ZNF718: variants seen among roughly 807,000 people sequenced by gnomAD.
ZNF718 encodes zinc finger protein 718.
Under a neutral mutation model 2.6 loss-of-function variants are expected in ZNF718, and 3 were observed. That is an observed-to-expected ratio of 1.16 (90% CI 0.53 to 3.01). The LOEUF is 3.01. Ranked by LOEUF, ZNF718 falls within the 30% of genes most tolerant of loss-of-function variation. The pLI is 0.03. For missense variants in ZNF718, 468 were observed against 230.0 expected (o/e 2.03, Z -6.69); for synonymous variants, 135 against 77.9 (o/e 1.73, Z -3.86).
chr4:182,220 A>G (rs1717480963), intron 3 of ZNF718, among the ~76,000 whole-genome samples: 1 of 151,288 alleles, frequency 6.6e-6, no homozygotes, highest in Non-Finnish European at 1.5e-5. Context: ...TTCTTCCTCT[A>G]GGTCTCTGAG....
chr4:138,274 C>A (rs961779199), intron 3 of ZNF718, among the ~76,000 whole-genome samples: 3 of 152,214 alleles, frequency 2.0e-5, no homozygotes, highest in Non-Finnish European at 4.4e-5. Context: ...TTCCCCACTT[C>A]CCCCAGTCCC....
chr4:171,936 C>T (rs1332995285), intron 3 of ZNF718, among the ~76,000 whole-genome samples: 4 of 152,342 alleles, frequency 2.6e-5, no homozygotes, highest in East Asian at 3.9e-4. Context: ...CTGCGTCGCT[C>T]ACGCTGGGAG....
chr4:159,030 T>C (rs1429895931), intron 3 of ZNF718, among the ~76,000 whole-genome samples: 2 of 150,872 alleles, frequency 1.3e-5, no homozygotes, highest in Non-Finnish European at 2.9e-5. Context: ...CTATTCTTTT[T>C]TTCTTTTTTC....
intron 3 of ZNF718, among the ~76,000 whole-genome samples, chr4:154,153 C>G (rs545660600): frequency 3.3e-5 from 5 of 152,184 alleles, no homozygotes; most frequent in South Asian, 2.1e-4. Flanking sequence ...TATGACATGA[C>G]TTTTGGCTTC....
chr4:185,619 T>C (rs782370864), intron 3 of ZNF718, among the ~76,000 whole-genome samples: 30 of 152,174 alleles, frequency 2.0e-4, no homozygotes, highest in Non-Finnish European at 3.4e-4. Context: ...ACTACTATTA[T>C]GTGGGAGTCT....
In ZNF718 at chr4:163,840, A is replaced by T. The variant is rs1717015329; in HGVS notation, c.*1718A>T. ...GTTGAAGAATATTGTTCTCATGTTA[A>T]ATTTTTATTATTTTTTATATTTAAA... On this transcript the variant is annotated 3_prime_UTR_variant, in exon 4 of 4. Transcript: ENST00000510175. 6.6e-6 allele frequency: 1 copy of T among 151,920 alleles called. No individual in the cohort carries two copies. The highest frequency in any genetic ancestry group is 1.5e-5 in the Non-Finnish European group (1 of 67,952). The allele number at this position is 151,920 out of a possible 1,614,324, so 9.4% of individuals were successfully genotyped here. A position where few individuals can be genotyped will look rare whatever the true frequency, so the allele number is the denominator to read the frequency against.
intron 3 of ZNF718, among the ~76,000 whole-genome samples, chr4:137,457 C>A (rs552885913): frequency 2.6e-5 from 4 of 152,096 alleles, no homozygotes; most frequent in Non-Finnish European, 5.9e-5. Context: ...GGCTGCATCA[C>A]TTTCTTCCCA....
chr4:191,053 A>T (rs10003260), intron 3 of ZNF718, among the ~76,000 whole-genome samples: 21,822 of 149,178 alleles, frequency 0.15, 1,828 homozygotes, highest in Admixed American at 0.24. Flanking sequence ...ATATATATAT[A>T]TTTTTTTCTA....
chr4:156,592 T>TA (rs1340363589), intron 3 of ZNF718, among the ~76,000 whole-genome samples: 1 of 152,202 alleles, frequency 6.6e-6, no homozygotes, highest in Non-Finnish European at 1.5e-5. Flanking sequence ...CTTGCAAAGC[T>TA]AAAATCACTC....
chr4:192,688 C>T (rs1023123302), intron 3 of ZNF718, among the ~76,000 whole-genome samples: 18 of 152,284 alleles, frequency 1.2e-4, no homozygotes, highest in African/African-American at 4.3e-4. Context: ...TCATCAACAT[C>T]AGAGCAGGGG....
intron 3 of ZNF718, among the ~76,000 whole-genome samples, chr4:173,189 C>T (rs1253977326): frequency 1.3e-5 from 2 of 151,768 alleles, no homozygotes; most frequent in Non-Finnish European, 2.9e-5. Context: ...CCCTTCCCCA[C>T]CCCTCCAGCA....
chr4:125,869 A>G (rs1553807907), intron 1 of ZNF718, among the ~76,000 whole-genome samples: 2,735 of 152,332 alleles, frequency 0.018, 86 homozygotes, highest in African/African-American at 0.062. Flanking sequence ...TTTTCTGCCA[A>G]AAGCACACGC....
intron 3 of ZNF718, among the ~76,000 whole-genome samples, chr4:198,246 G>T (rs1279278046): frequency 6.6e-6 from 1 of 152,140 alleles, no homozygotes; most frequent in Non-Finnish European, 1.5e-5. Flanking sequence ...TGCCATGGCT[G>T]CCTGGCCAGG....
rs147708952 is a variant in ZNF718 at position 195,727 on chromosome 4, T to A, written c.227-5354T>A. 2.0e-5 allele frequency among the ~76,000 whole-genome samples: 3 copies of A among 152,280 alleles called. No homozygotes were observed. In the East Asian group the frequency reaches 5.8e-4, roughly 30 times the overall value. On this transcript the variant is annotated intron_variant and NMD_transcript_variant, in intron 3 of 4. Transcript: ENST00000642529. Reference sequence around the variant, plus strand: ...GAATGCATTTGGCCCATCCACGGGTTACTGGGTTAAGAATTTTTTATAGGA... The same window carrying A: ...GAATGCATTTGGCCCATCCACGGGTAACTGGGTTAAGAATTTTTTATAGGA...
intron 3 of ZNF718, among the ~76,000 whole-genome samples, chr4:146,083 A>G (rs1340209861): frequency 6.9e-6 from 1 of 145,322 alleles, no homozygotes; most frequent in Non-Finnish European, 1.5e-5. Flanking sequence ...CCTTCTATAT[A>G]TATATATATA....
chr4:168,496 T>G (rs1553817357), downstream of ZNF718, among the ~76,000 whole-genome samples: 1 of 152,142 alleles, frequency 6.6e-6, no homozygotes, highest in African/African-American at 2.4e-5. Flanking sequence ...TTTTTTTTGG[T>G]TGGTAAGCTA....
intron 3 of ZNF718, among the ~76,000 whole-genome samples, chr4:170,448 A>G (rs1553817729): frequency 6.6e-6 from 1 of 152,196 alleles, no homozygotes; most frequent in Non-Finnish European, 1.5e-5. Context: ...AGTGTTTTCC[A>G]ACTTGGTTCC....
At chr4:126,549 C>T (rs897619134) in intron 1 of ZNF718, among the ~76,000 whole-genome samples, 2 of 152,288 alleles carry the variant, frequency 1.3e-5, no homozygotes, top group African/African-American at 4.8e-5. Flanking sequence ...TGTGGGTCTA[C>T]GTCCTGTCAT....
chr4:135,939 G>A (rs1204591458), intron 3 of ZNF718, among the ~76,000 whole-genome samples: 5 of 151,770 alleles, frequency 3.3e-5, no homozygotes, highest in East Asian at 1.9e-4. Context: ...GTGTCTGTAC[G>A]TTTGAAGGAT....
Sources: allele counts gnomAD v4.1 joint callset (sites outside exome capture counted in the v4.1 genomes callset), GRCh38; gene constraint gnomAD v4.1.1; transcripts MANE v1.5; gene names NCBI Gene and HGNC (gene_info 2026-07-23, HGNC 2026-07-21).